The following MCC variants were observed in gnomAD, a reference collection of about 807,000 sequenced individuals.
MCC encodes the protein MCC regulator of Wnt signaling pathway.
In MCC, 90 loss-of-function variants were observed where a neutral mutation model predicts 116.2. The observed-to-expected ratio is 0.77, with a 90% CI of 0.65 to 0.92. MCC has a LOEUF of 0.92. Among genes scored for constraint, MCC ranks in the 40% least tolerant of loss-of-function variants. The pLI is 0.00. For missense variants in MCC, 1,516 were observed against 1,312.2 expected (o/e 1.16, Z -2.40); for synonymous variants, 578 against 510.5 (o/e 1.13, Z -1.78).
chr5:113,091,201 T>C (rs1755611647), intron 8 of MCC, among the ~76,000 whole-genome samples: 1 of 152,228 alleles, frequency 6.6e-6, no homozygotes, highest in Non-Finnish European at 1.5e-5. Flanking sequence ...TCCAAATTTA[T>C]ACTATCTGCA....
intron 17 of MCC, among the ~76,000 whole-genome samples, chr5:113,042,158 T>C (rs2150214545): frequency 6.6e-6 from 1 of 151,740 alleles, no homozygotes; most frequent in Admixed American, 6.6e-5. Context: ...ACAGAATTAA[T>C]ACAGCAGACA....
chr5:113,294,553 T>A (rs1766646845), intron 3 of MCC: 2 of 1,365,338 alleles, frequency 1.5e-6, no homozygotes, highest in Middle Eastern at 2.1e-4. Flanking sequence ...CAGGCACTCT[T>A]AAAAAGAGCA....
chr5:113,061,314 A>T (rs56347383), intron 14 of MCC, among the ~76,000 whole-genome samples: 1 of 152,208 alleles, frequency 6.6e-6, no homozygotes, highest in African/African-American at 2.4e-5. Context: ...TCTTGGCCAC[A>T]GTTCCTTTGT....
rs1438728636 is a variant in MCC, at chr5:113,110,380, T to TTATA, written c.1028-6026_1028-6025insTATA. 2.6e-5 allele frequency among the ~76,000 whole-genome samples: 4 copies of TTATA among 152,264 alleles called. No individual in the cohort carries two copies. The East Asian group carries it at 7.7e-4, about 29-fold the overall frequency. On this transcript the variant is annotated intron_variant, in intron 6 of 18. Transcript: ENST00000408903. ...TCCTGGCATCCTCAGCAAATATGAA[T>TTATA]TATCTCCTGACAGAAAGGAGGAAGC... is the stretch of plus-strand genomic sequence containing the variant.
chr5:113,414,251 C>T (rs137902830), intron 1 of MCC, among the ~76,000 whole-genome samples: 2,377 of 151,984 alleles, frequency 0.016, 18 homozygotes, highest in Non-Finnish European at 0.024. Context: ...TCTGTTGATT[C>T]GGGGTGGAGA....
At chr5:113,068,705 C>A (rs528302322) in intron 12 of MCC, among the ~76,000 whole-genome samples, 2 of 152,372 alleles carry the variant, frequency 1.3e-5, no homozygotes, top group South Asian at 4.1e-4. Flanking sequence ...GTCGTGTCTT[C>A]AAGATTCTCA....
intron 3 of MCC, among the ~76,000 whole-genome samples, chr5:113,241,939 C>A (rs1581304223): frequency 1.3e-5 from 2 of 152,242 alleles, no homozygotes; most frequent in Non-Finnish European, 2.9e-5. Context: ...TTTTTACATT[C>A]TTTTAGGAAA....
chr5:113,156,616 CTG>C (rs1334052967), intron 3 of MCC, among the ~76,000 whole-genome samples: 1 of 152,310 alleles, frequency 6.6e-6, no homozygotes, highest in East Asian at 1.9e-4. Flanking sequence ...TCTTAGTTCT[CTG>C]TGAAATTTTA....
At chr5:113,039,717 C>T (rs376310738) in intron 17 of MCC, among the ~76,000 whole-genome samples, 2 of 141,120 alleles carry the variant, frequency 1.4e-5, no homozygotes, top group African/African-American at 2.6e-5. Flanking sequence ...CCGCGCCCCC[C>T]CCCCCAACCC....
intron 3 of MCC, among the ~76,000 whole-genome samples, chr5:113,228,434 A>G (rs1158945268): frequency 1.3e-5 from 2 of 152,192 alleles, no homozygotes; most frequent in African/African-American, 4.8e-5. Flanking sequence ...AAACGGCCTC[A>G]ATGTTAAGGT....
chr5:113,219,467 T>C (rs1763458231), intron 3 of MCC, among the ~76,000 whole-genome samples: 1 of 152,216 alleles, frequency 6.6e-6, no homozygotes, highest in African/African-American at 2.4e-5. Flanking sequence ...TGTTAACATG[T>C]TTTTATTTTC....
At chr5:113,165,090 G>A (rs1370106478) in intron 3 of MCC, among the ~76,000 whole-genome samples, 1 of 152,228 alleles carries the variant, frequency 6.6e-6, no homozygotes, top group Non-Finnish European at 1.5e-5. Flanking sequence ...GCCAGGGCCT[G>A]TGAGTGTTTT....
chr5:113,362,791 T>G (rs1768580710), intron 2 of MCC, among the ~76,000 whole-genome samples: 1 of 152,196 alleles, frequency 6.6e-6, no homozygotes, highest in Non-Finnish European at 1.5e-5. Context: ...TCCTGGTTAC[T>G]GGCACAGAGC....
At chr5:113,049,367 G>C (rs1023054527) in intron 15 of MCC, 68 bp from the exon 16 acceptor site, 44 of 1,354,906 alleles carry the variant, frequency 3.2e-5, no homozygotes, top group Non-Finnish European at 4.3e-5. Flanking sequence ...CTGCTGCCAA[G>C]TGGGTGGGTG....
intron 8 of MCC, among the ~76,000 whole-genome samples, chr5:113,100,464 C>CTTTTTTTTTTTTTTTTTTTTT (rs10649958): frequency 1.3e-5 from 1 of 78,810 alleles, no homozygotes; most frequent in Non-Finnish European, 2.3e-5. Context: ...GTATTTTTCC[C>CTTTTTTTTTTTTTTTTTTTTT]TTTTTTTTTT....
At chr5:113,420,792 C>A (rs1015220069) in intron 1 of MCC, among the ~76,000 whole-genome samples, 1 of 152,154 alleles carries the variant, frequency 6.6e-6, no homozygotes, top group Non-Finnish European at 1.5e-5. Flanking sequence ...GACGGCAGCA[C>A]AACTATTTTC....
In MCC at chr5:113,122,715, T is replaced by A. The variant is rs1181434315; in HGVS notation, c.996A>T (p.Glu332Asp). Reference protein sequence around the residue: ...DQDQTSVSIPENQSTMVTADM... With the variant: ...DQDQTSVSIPDNQSTMVTADM... ...CAGCAGTAACCATGGTAGACTGGTTTTCGGGGATAGAGACAGAGGTCTGGT... is the reference window on the plus strand; with the variant it reads ...CAGCAGTAACCATGGTAGACTGGTTATCGGGGATAGAGACAGAGGTCTGGT... The change falls in exon 6 of 19, where the codon GAA becomes GAT. Residue 332 changes from glutamate (E) to aspartate (D), a missense_variant. Transcript: ENST00000408903. The A allele has an allele frequency of 1.2e-6, 2 of 1,614,024 alleles. No homozygotes were observed. Among genetic ancestry groups the A allele is most frequent in the Admixed American group, 3.3e-5 (2 of 60,004 alleles).
chr5:113,373,095 C>G (rs1445161891), intron 2 of MCC, among the ~76,000 whole-genome samples: 1 of 151,862 alleles, frequency 6.6e-6, no homozygotes, highest in African/African-American at 2.4e-5. Flanking sequence ...AGGAGAATGG[C>G]GTGAACCCGA....
chr5:113,223,700 G>A (rs536321818), intron 3 of MCC, among the ~76,000 whole-genome samples: 1 of 152,278 alleles, frequency 6.6e-6, no homozygotes, highest in South Asian at 2.1e-4. Flanking sequence ...CAGAATGACC[G>A]ATCTACAAAG....
Sources: gnomAD v4.1 joint callset for allele counts (sites outside exome capture counted in the v4.1 genomes callset) on GRCh38, gnomAD v4.1.1 for gene constraint, MANE v1.5 for transcripts, NCBI Gene and HGNC (gene_info 2026-07-23, HGNC 2026-07-21) for gene names.